TNC: variants seen among roughly 807,000 people sequenced by gnomAD.
The protein encoded by TNC is tenascin.
In TNC, 109 loss-of-function variants were observed where a neutral mutation model predicts 202.4. The observed-to-expected ratio is 0.54, with a 90% CI of 0.46 to 0.63. The LOEUF (loss-of-function observed/expected upper bound fraction) is 0.63. Ranked by LOEUF, TNC falls within the 30% of genes least tolerant of loss-of-function variation. The pLI is 0.00. For missense variants in TNC, 2,756 were observed against 2,833.3 expected, an observed-to-expected ratio of 0.97 and a Z score of 0.62; for synonymous variants, 1,007 against 1,089.7, an observed-to-expected ratio of 0.92 and a Z score of 1.50.
intron 15 of TNC, chr9:115,052,734 G>A (rs1369095494): frequency 1.4e-6 from 1 of 699,124 alleles, no homozygotes; most frequent in East Asian, 2.7e-5. Flanking sequence ...ACCTCTGATT[G>A]AGTACCTGTA....
rs915795345 is a variant in TNC at position 115,087,072 on chromosome 9, G to T, written c.659C>A (p.Ala220Asp). 1 of 1,613,152 alleles carries T rather than the reference G, an allele frequency of 6.2e-7. No individual in the cohort carries two copies. ...CTGGTCATTGCAGTCGCTGGGGCAA[G>T]CCAGCTGGCTGCAGTCCTCGCCCGT... ...GFTGEDCSQL[A>D]CPSDCNDQGK... is the part of the protein sequence containing the mutation. The change falls in exon 3 of 28, where the codon GCT becomes GAT. Residue 220 changes from alanine to aspartate, a missense_variant. Physicochemically the swap from Ala to Asp is moderately radical, Grantham distance 126. Coordinates refer to ENST00000350763, the MANE Select transcript of TNC (RefSeq NM_002160.4).
chr9:115,077,356 C>T (rs1445925327), intron 7 of TNC, among the ~76,000 whole-genome samples: 1 of 152,050 alleles, frequency 6.6e-6, no homozygotes, highest in Non-Finnish European at 1.5e-5. Context: ...GCGCCTGACC[C>T]CAATTTTTGT....
intron 6 of TNC, among the ~76,000 whole-genome samples, 190 bp from the exon 7 acceptor site, chr9:115,078,402 T>C (rs1834045906): frequency 6.6e-6 from 1 of 152,122 alleles, no homozygotes; most frequent in African/African-American, 2.4e-5. Flanking sequence ...CAGCTACCTC[T>C]AGTGTTTTTT....
chr9:115,064,842 C>T lies in TNC; in HGVS notation c.3292G>A (p.Asp1098Asn), dbSNP rs1481686798. 1 of 1,614,152 alleles carries T rather than the reference C, an allele frequency of 6.2e-7. No individual in the cohort carries two copies. Among genetic ancestry groups the T allele is most frequent in the African/African-American group, 1.3e-5 (1 of 75,048 alleles). ...DGLRLNWTAA[D>N]QAYEHFIIQV... ...ATGATAAAGTGCTCATAGGCCTGGT[C>T]AGCTGCGGTCCAGTTGAGTCTGAGG... The change falls in exon 11 of 28, where the codon GAC becomes AAC. Residue 1098 changes from aspartate (D) to asparagine (N), a missense_variant. Around this residue, in one of 2 missense-constraint regions of TNC, gnomAD observed 2,559 missense variants for 2,546.0 expected, o/e 1.01. Transcript: ENST00000350763.
Position 115,048,470 on chromosome 9 carries a change from A to C in TNC, c.4642T>G (p.Ser1548Ala), listed in dbSNP as rs369131026. ...SDINPYGFTV[S>A]WMASENAFDS... ...AAGGCATTCTCCGATGCCATCCAGG[A>C]AACTGTGAACCCGTAGGGATTAATG... The change falls in exon 16 of 28, where the codon TCC becomes GCC. Residue 1548 changes from serine to alanine, a missense_variant. By Grantham distance (99) the Ser-to-Ala change is moderately conservative. This residue lies in a region of TNC where 2,559 missense variants were observed against 2,546.0 expected (regional missense o/e 1.01). Coordinates refer to ENST00000350763, the MANE Select transcript of TNC (RefSeq NM_002160.4). The C allele has an allele frequency of 9.9e-6, 16 of 1,613,894 alleles. No individual in the cohort carries two copies. The highest frequency in any genetic ancestry group is 1.2e-5 in the Non-Finnish European group (14 of 1,179,950).
At chr9:115,041,311 G>GGA (rs1830732651) in intron 18 of TNC, among the ~76,000 whole-genome samples, 1 of 146,430 alleles carries the variant, frequency 6.8e-6, no homozygotes, top group Non-Finnish European at 1.5e-5. Flanking sequence ...AGGAGGGGCG[G>GGA]GGGAAAACAT....
chr9:115,024,276 T>G, intron 26 of TNC, 140 bp from the exon 27 acceptor site: 2 of 806,844 alleles, frequency 2.5e-6, no homozygotes, highest in Non-Finnish European at 3.9e-6. Flanking sequence ...GAGTCAGCAT[T>G]GAATGCGGAA....
In TNC at chr9:115,062,972, C is replaced by A; in HGVS notation, c.3978G>T (p.Leu1326=). The A allele has an allele frequency of 6.2e-7, 1 of 1,614,032 alleles. No individual in the cohort carries two copies. The highest frequency in any genetic ancestry group is 8.5e-7 in the Non-Finnish European group (1 of 1,179,962). Residue 1326 remains leucine, a synonymous_variant, in exon 13 of 28, where the codon CTG becomes CTT. Coordinates refer to ENST00000350763, the MANE Select transcript of TNC (RefSeq NM_002160.4). ...TGCTGTGGCCCCTGACCTCGCCGTG[C>A]AGGGTGACTGTGTAAGGAGTGCCAG... The part of the protein sequence containing the change: ...LRAGTPYTVT[L]HGEVRGHSTR...
rs1429917143 is a variant in TNC, at chr9:115,082,791, T to G, written c.2148A>C (p.Glu716Asp). 1 of 1,613,740 alleles carries G rather than the reference T, an allele frequency of 6.2e-7. No homozygotes were observed. The highest frequency in any genetic ancestry group is 1.7e-5 in the Admixed American group (1 of 60,024). ...CCTTGATGGACTTGAATTTCAGGCC[T>G]TCAGGTGCAGGTAAGTCTGTAAGTA... ...ARVATYLPAP[E>D]GLKFKSIKET... is the part of the protein sequence containing the mutation. Residue 716 changes from glutamate to aspartate, a missense_variant, in exon 5 of 28, where the codon GAA becomes GAC. Glu to Asp is a conservative substitution (Grantham distance 45). Around this residue, in one of 2 missense-constraint regions of TNC, gnomAD observed 2,559 missense variants for 2,546.0 expected, o/e 1.01. Transcript: ENST00000350763.
At chr9:115,025,918 G>A (rs910578593) in intron 26 of TNC, among the ~76,000 whole-genome samples, 2 of 152,190 alleles carry the variant, frequency 1.3e-5, no homozygotes, top group African/African-American at 4.8e-5. Context: ...CACTTGAGAG[G>A]TGAGACCTTC....
chr9:115,060,042 C>A, intron 13 of TNC, 40 bp from the exon 14 acceptor site: 1 of 1,541,746 alleles, frequency 6.5e-7, no homozygotes, highest in Non-Finnish European at 8.8e-7. Context: ...TTCTATAAAC[C>A]AAAAATGAGG....
At chr9:115,076,323 C>T in intron 8 of TNC, 67 bp downstream of exon 8, 1 of 1,558,046 alleles carries the variant, frequency 6.4e-7, no homozygotes, top group South Asian at 1.2e-5. Context: ...CATGTGGGAG[C>T]AGGTGCCCAT....
intron 1 of TNC, chr9:115,114,960 A>C (rs1056688667): frequency 2.0e-5 from 3 of 152,054 alleles, no homozygotes; most frequent in Admixed American, 2.0e-4. Flanking sequence ...TTACCATCAC[A>C]AAAGGACATA....
rs747302364 is a variant in TNC, at chr9:115,091,066, G to A, written c.-48C>T. ...TGCTGCTGGGGCTCTAGGGCTCTAGGGTATCTCACTTTCAGCAGAATTGGG... is the reference window on the plus strand; with the variant it reads ...TGCTGCTGGGGCTCTAGGGCTCTAGAGTATCTCACTTTCAGCAGAATTGGG... On this transcript the variant is annotated 5_prime_UTR_variant, in exon 2 of 28. Transcript: ENST00000350763. 2.0e-6 allele frequency: 3 copies of A among 1,493,940 alleles called. No individual in the cohort carries two copies. In the South Asian group the frequency reaches 3.4e-5, roughly 17 times the overall value. The allele number at this position is 1,493,940 out of a possible 1,614,324, so 92.5% of individuals were successfully genotyped here.
At chr9:115,116,001 T>G (rs1016257994) in intron 1 of TNC, among the ~76,000 whole-genome samples, 1 of 152,220 alleles carries the variant, frequency 6.6e-6, no homozygotes, top group Non-Finnish European at 1.5e-5. Context: ...ACAGAGAAAC[T>G]AAGAAAAGTT....
Position 115,077,962 on chromosome 9 carries a change from G to T in TNC, c.2655C>A (p.Ala885=). The T allele has an allele frequency of 6.2e-7, 1 of 1,614,132 alleles. No homozygotes were observed. Among genetic ancestry groups the T allele is most frequent in the South Asian group, 1.1e-5 (1 of 91,074 alleles). Residue 885 remains alanine, a synonymous_variant, in exon 7 of 28, where the codon GCC becomes GCA. Transcript: ENST00000350763. The part of the protein sequence containing the change: ...SRRGDMSSNP[A]KETFTTGLDA... ...TTTTACCTGTTGTGAAGGTCTCTTT[G>T]GCTGGGTTGCTTGACATGTCACCTC...
chr9:115,076,989 C>G (rs947692087), intron 7 of TNC, among the ~76,000 whole-genome samples: 45 of 152,170 alleles, frequency 3.0e-4, no homozygotes, highest in Admixed American at 2.0e-3. Flanking sequence ...CCCCTGCTTC[C>G]CAGGTTCAAG....
chr9:115,075,213 A>G (rs1330476515), intron 9 of TNC, among the ~76,000 whole-genome samples: 2 of 152,060 alleles, frequency 1.3e-5, no homozygotes, highest in East Asian at 1.9e-4. Flanking sequence ...GGAAAAAAAA[A>G]TCTTGAGGAA....
intron 1 of TNC, among the ~76,000 whole-genome samples, chr9:115,115,560 AT>A (rs1837401182): frequency 6.6e-6 from 1 of 152,208 alleles, no homozygotes. Context: ...GGCTCATCAT[AT>A]ATTTTGGCTA....
Sources: allele counts gnomAD v4.1 joint callset (sites outside exome capture counted in the v4.1 genomes callset), GRCh38; gene constraint gnomAD v4.1.1; regional missense constraint gnomAD v4.1.1; transcripts MANE v1.5; gene names NCBI Gene and HGNC (gene_info 2026-07-23, HGNC 2026-07-21).